DYM: variants seen among roughly 807,000 people sequenced by gnomAD.
DYM encodes the protein dyggve-Melchior-Clausen syndrome protein.
DYM carries 78 observed loss-of-function variants against 93.1 expected under a neutral mutation model. The ratio of observed to expected loss-of-function variants is 0.84; its 90% CI spans 0.70 to 1.01. DYM has a LOEUF of 1.01. Among genes scored for constraint, DYM ranks in the 50% least tolerant of loss-of-function variants. The pLI is 0.00. For missense variants in DYM, 789 were observed against 845.0 expected, an observed-to-expected ratio of 0.93 and a Z score of 0.82; for synonymous variants, 321 against 319.7, an observed-to-expected ratio of 1.00 and a Z score of -0.04.
intron 11 of DYM, among the ~76,000 whole-genome samples, chr18:49,268,270 T>C (rs2094605299): frequency 6.6e-6 from 1 of 152,212 alleles, no homozygotes; most frequent in Admixed American, 6.5e-5. Context: ...TTTCTACTAT[T>C]ACATATGGAA....
At chr18:49,063,307 CTTTTT>C (rs200482925) in intron 17 of DYM, among the ~76,000 whole-genome samples, 1 of 135,534 alleles carries the variant, frequency 7.4e-6, no homozygotes. Context: ...GATTTCTTTT[CTTTTT>C]TTTTTTTTTT....
intron 6 of DYM, among the ~76,000 whole-genome samples, chr18:49,338,188 T>C (rs1369621893): frequency 6.6e-6 from 1 of 152,166 alleles, no homozygotes; most frequent in Non-Finnish European, 1.5e-5. Context: ...TAGTAGGTTA[T>C]CAAAAACAAA....
chr18:49,073,916 C>T (rs1160689082), intron 17 of DYM, among the ~76,000 whole-genome samples: 8 of 152,098 alleles, frequency 5.3e-5, no homozygotes, highest in Non-Finnish European at 1.2e-4. Context: ...TCTGTGCATT[C>T]ACTATAGGGA....
In DYM at chr18:49,411,857, C is replaced by T. The variant is rs558187055; in HGVS notation, c.140+18398G>A. On this transcript the variant is annotated intron_variant, in intron 2 of 17. Transcript: ENST00000675505. ...ATAACCTGAAAAAATCAACAAGTAACGATTCAGGAAAGGACAGAAGCACTT... is the reference window on the plus strand; with the variant it reads ...ATAACCTGAAAAAATCAACAAGTAATGATTCAGGAAAGGACAGAAGCACTT... 9 of 152,156 alleles carry T rather than the reference C, an allele frequency of 5.9e-5. No homozygotes were observed. The East Asian group carries it at 1.2e-3, about 20-fold the overall frequency. The allele number at this position is 152,156 out of a possible 1,614,324, so 9.4% of individuals were successfully genotyped here. A position where few individuals can be genotyped will look rare whatever the true frequency, so the allele number is the denominator to read the frequency against.
At chr18:49,322,346 T>C (rs911051521) in intron 8 of DYM, among the ~76,000 whole-genome samples, 1 of 152,138 alleles carries the variant, frequency 6.6e-6, no homozygotes, top group Admixed American at 6.5e-5. Context: ...CTTCAAAATA[T>C]GAAATAATTA....
At chr18:49,088,281 T>A (rs919757060) in intron 17 of DYM, among the ~76,000 whole-genome samples, 2 of 152,182 alleles carry the variant, frequency 1.3e-5, no homozygotes. Context: ...CATCTTGAAT[T>A]AATTTTTGTA....
At chr18:49,178,681 T>C (rs1467022942) in intron 14 of DYM, among the ~76,000 whole-genome samples, 3 of 152,046 alleles carry the variant, frequency 2.0e-5, no homozygotes, top group Admixed American at 6.6e-5. Context: ...ACACTAACAA[T>C]AGAGAAAATA....
At chr18:49,148,950 T>C (rs1294347296) in intron 15 of DYM, among the ~76,000 whole-genome samples, 1 of 152,206 alleles carries the variant, frequency 6.6e-6, no homozygotes, top group Admixed American at 6.5e-5. Context: ...TCTATTATTA[T>C]TACATTGTAA....
chr18:49,376,327 G>T (rs1020800778), intron 5 of DYM, among the ~76,000 whole-genome samples: 5 of 152,278 alleles, frequency 3.3e-5, no homozygotes, highest in Admixed American at 3.3e-4. Flanking sequence ...AATTCAGTAT[G>T]CTCTCAAGGA....
intron 13 of DYM, among the ~76,000 whole-genome samples, chr18:49,236,575 G>A (rs748985899): frequency 1.1e-4 from 16 of 152,176 alleles, no homozygotes; most frequent in African/African-American, 1.4e-4. Flanking sequence ...CCCCACTTTA[G>A]GAAAACTAAT....
intron 9 of DYM, among the ~76,000 whole-genome samples, chr18:49,284,827 C>T (rs879631253): frequency 1.6e-4 from 25 of 152,074 alleles, no homozygotes; most frequent in Admixed American, 3.9e-4. Flanking sequence ...GTTATTAATT[C>T]CCTATTGTCC....
intron 15 of DYM, among the ~76,000 whole-genome samples, chr18:49,157,275 G>GCTT (rs2144900296): frequency 6.6e-6 from 1 of 152,186 alleles, no homozygotes; most frequent in East Asian, 1.9e-4. Context: ...TCCTCCTCCT[G>GCTT]CAGAAGCTCT....
rs1207720784 is a variant in DYM at position 49,379,156 on chromosome 18, T to C, written c.288-456A>G. On this transcript the variant is annotated intron_variant, in intron 4 of 17. Transcript: ENST00000675505. ...GACCATGAACTCCCAAGAAAAACTTTATTGGATTCAATGTAATTTGTTTAT... is the reference window on the plus strand; with the variant it reads ...GACCATGAACTCCCAAGAAAAACTTCATTGGATTCAATGTAATTTGTTTAT... Among the ~76,000 whole-genome samples, 6 of 152,330 alleles carry C rather than the reference T, an allele frequency of 3.9e-5. No individual in the cohort carries two copies. In the South Asian group the frequency reaches 6.2e-4, roughly 16 times the overall value.
intron 10 of DYM, among the ~76,000 whole-genome samples, chr18:49,274,907 A>G (rs1011879131): frequency 2.0e-5 from 3 of 152,010 alleles, no homozygotes; most frequent in Non-Finnish European, 4.4e-5. Flanking sequence ...TGATTTGCAA[A>G]TATCTTCTCA....
chr18:49,344,493 A>G (rs537242929), intron 6 of DYM, among the ~76,000 whole-genome samples: 12 of 152,320 alleles, frequency 7.9e-5, no homozygotes, highest in African/African-American at 2.6e-4. Context: ...AGATTTAGAG[A>G]AAACAAGAAT....
At chr18:49,209,779 C>T in intron 13 of DYM, 64 bp from the exon 14 acceptor site, 1 of 1,076,220 alleles carries the variant, frequency 9.3e-7, no homozygotes, top group Non-Finnish European at 1.2e-6. Context: ...AAAAATAAAT[C>T]ATTTTTTATG....
At position 49,143,379 on chromosome 18, in the gene DYM, C is replaced by T. The variant is rs2084742797; in HGVS notation, c.1728+20306G>A. Among the ~76,000 whole-genome samples, 3 of 152,118 alleles carry T rather than the reference C, an allele frequency of 2.0e-5. 1 individual carries two copies. In the South Asian group the frequency reaches 6.2e-4, roughly 31 times the overall value. ...TTTTAGGTGATAAGAGAATAAAGGG[C>T]ATATCTTCCTATCTTTCAGGTGGTA... On this transcript the variant is annotated intron_variant, in intron 15 of 17. Transcript: ENST00000675505.
At chr18:49,414,592 T>C (rs1295266452) in intron 2 of DYM, among the ~76,000 whole-genome samples, 1 of 152,166 alleles carries the variant, frequency 6.6e-6, no homozygotes, top group Non-Finnish European at 1.5e-5. Flanking sequence ...TTGCTGCTCT[T>C]CTAACAAGCA....
intron 14 of DYM, among the ~76,000 whole-genome samples, chr18:49,178,049 T>A (rs962771782): frequency 2.0e-5 from 3 of 152,104 alleles, no homozygotes; most frequent in African/African-American, 7.2e-5. Flanking sequence ...TCTTAATACA[T>A]AAACCGAAAC....
Sources: gnomAD v4.1 joint callset for allele counts (sites outside exome capture counted in the v4.1 genomes callset) on GRCh38, gnomAD v4.1.1 for gene constraint, MANE v1.5 for transcripts, NCBI Gene and HGNC (gene_info 2026-07-23, HGNC 2026-07-21) for gene names.